The following ATM variants were observed in gnomAD, a reference collection of about 807,000 sequenced individuals.
ATM encodes the protein ATM serine/threonine kinase.
In ATM, 308 loss-of-function variants were observed where a neutral mutation model predicts 387.0. The observed-to-expected ratio is 0.80, with a 90% CI of 0.73 to 0.87. The LOEUF is 0.87. Among genes scored for constraint, ATM ranks in the 40% least tolerant of loss-of-function variants. The pLI, the probability that ATM is intolerant of heterozygous loss-of-function variation, is 0.00. For synonymous variants in ATM, 1,156 were observed against 1,187.3 expected, an observed-to-expected ratio of 0.97 and a Z score of 0.54; for missense variants, 3,312 against 3,560.9, an observed-to-expected ratio of 0.93 and a Z score of 1.78.
intron 61 of ATM, among the ~76,000 whole-genome samples, chr11:108,356,576 A>G (rs933442035): frequency 2.0e-5 from 3 of 151,580 alleles, no homozygotes; most frequent in African/African-American, 7.3e-5. Context: ...AACTTTTCAA[A>G]TTAAAGAGTC....
chr11:108,232,933 G>A (rs981399213), intron 4 of ATM, among the ~76,000 whole-genome samples: 2 of 151,898 alleles, frequency 1.3e-5, no homozygotes, highest in African/African-American at 2.4e-5. Flanking sequence ...CGCCATCTTG[G>A]CTCACTGCAA....
intron 58 of ATM, among the ~76,000 whole-genome samples, chr11:108,346,849 ATAATT>A (rs1285846666): frequency 6.6e-6 from 1 of 152,154 alleles, no homozygotes; most frequent in Non-Finnish European, 1.5e-5. Context: ...TGTGTTAAAT[ATAATT>A]CATCAAGGAG....
At chr11:108,357,862 A>C (rs2090203167) in intron 61 of ATM, among the ~76,000 whole-genome samples, 1 of 151,294 alleles carries the variant, frequency 6.6e-6, no homozygotes, top group Non-Finnish European at 1.5e-5. Context: ...GAACAGAAAA[A>C]CTGGAAACTC....
chr11:108,254,161 A>G (rs1191951099), intron 13 of ATM, 122 bp downstream of exon 13: 2 of 906,268 alleles, frequency 2.2e-6, no homozygotes, highest in Non-Finnish European at 3.4e-6. Flanking sequence ...TTAAAAGCAA[A>G]GTGGCAGTAA....
chr11:108,336,009 C>G (rs748488965), intron 56 of ATM, 48 bp downstream of exon 56: 4 of 1,454,800 alleles, frequency 2.7e-6, no homozygotes, highest in African/African-American at 1.4e-5. Context: ...ATAAAAGATG[C>G]CATTTGGTTG....
At chr11:108,287,280 T>C (rs970725965) in intron 26 of ATM, 21 of 181,028 alleles carry the variant, frequency 1.2e-4, no homozygotes, top group Non-Finnish European at 9.2e-5. Context: ...GGAAATTTGG[T>C]TGGCAGAAAA....
intron 1 of ATM, 84 bp from the exon 2 acceptor site, chr11:108,227,511 T>A (rs1341900583): frequency 1.2e-6 from 1 of 841,944 alleles, no homozygotes; most frequent in African/African-American, 1.7e-5. Flanking sequence ...AAAATAATTA[T>A]ATACACATTT....
intron 35 of ATM, among the ~76,000 whole-genome samples, chr11:108,302,229 A>G (rs2083468477): frequency 1.3e-5 from 2 of 152,128 alleles, no homozygotes; most frequent in South Asian, 4.1e-4. Context: ...TGATATCGTA[A>G]TAAGGTTCCA....
At chr11:108,289,144 T>G (rs1413939387) in intron 28 of ATM, 41 bp downstream of exon 28, 7 of 1,563,678 alleles carry the variant, frequency 4.5e-6, no homozygotes, top group Non-Finnish European at 6.1e-6. Flanking sequence ...ACATTCCTTC[T>G]TTTTTAGCTA....
rs55723361 is a variant in ATM at position 108,268,541 on chromosome 11, C to A, written c.2770C>A (p.Arg924=). 6.2e-7 allele frequency: 1 copy of A among 1,614,024 alleles called. No homozygotes were observed. Among genetic ancestry groups the A allele is most frequent in the Non-Finnish European group, 8.5e-7 (1 of 1,179,972 alleles). ...NTVSFRAADI[R]RKLLMLIDSS... ...TGTGTCCTTTAGGGCAGCTGATATT[C>A]GGAGGAAATTGTTAATGTTAATTGA... The change falls in exon 18 of 63, where the codon CGG becomes AGG. Residue 924 remains arginine, a synonymous_variant. Coordinates refer to ENST00000675843, the MANE Select transcript of ATM (RefSeq NM_000051.4).
chr11:108,288,952 G>A lies in ATM; in HGVS notation c.4110-25G>A, dbSNP rs368881313. ...AACAAAACTTTTTAAAACGATGACT[G>A]TATTTTTTCCCTTAACTCTGTTAGG... On this transcript the variant is annotated intron_variant, in intron 27 of 62. Coordinates refer to ENST00000675843, the MANE Select transcript of ATM (RefSeq NM_000051.4). 32 of 1,613,240 alleles carry A rather than the reference G, an allele frequency of 2.0e-5. No individual in the cohort carries two copies. In the African/African-American group the frequency reaches 3.7e-4, roughly 19 times the overall value.
In ATM at chr11:108,353,769, T is replaced by C. The variant is rs1591306442; in HGVS notation, c.8675T>C (p.Val2892Ala). 1 of 1,608,218 alleles carries C rather than the reference T, an allele frequency of 6.2e-7. No homozygotes were observed. The highest frequency in any genetic ancestry group is 8.5e-7 in the Non-Finnish European group (1 of 1,174,660). The change falls in exon 60 of 63, where the codon GTT (valine) becomes GCT (alanine). Residue 2892 changes from valine (V) to alanine (A), a missense_variant. Physicochemically the swap from Val to Ala is moderately conservative, Grantham distance 64 (BLOSUM62 0). Transcript: ENST00000675843. ...TTCACTGTATTCTTTACTTTAGGTG[T>C]TGCTTTTGAACAGGGCAAAATCCTT... The part of the protein sequence containing the change: ...SAELVHIDLG[V>A]AFEQGKILPT...
At chr11:108,312,746 T>A (rs185949204) in intron 40 of ATM, among the ~76,000 whole-genome samples, 67 of 152,320 alleles carry the variant, frequency 4.4e-4, no homozygotes, top group Middle Eastern at 3.4e-3. Flanking sequence ...TGTCTCAGAG[T>A]TTATGCCATG....
chr11:108,317,194 C>A (rs1197603326), intron 42 of ATM, among the ~76,000 whole-genome samples, 179 bp from the exon 43 acceptor site: 1 of 152,002 alleles, frequency 6.6e-6, no homozygotes, highest in East Asian at 1.9e-4. Context: ...CTGCCTCAGC[C>A]TCCCAAAGTG....
Position 108,326,202 on chromosome 11 carries a change from A to C in ATM, c.6952A>C (p.Lys2318Gln), listed in dbSNP as rs1449259481. Residue 2318 changes from lysine to glutamine, a missense_variant, in exon 47 of 63, where the codon AAG (lysine) becomes CAG (glutamine). Lys to Gln is a moderately conservative substitution (Grantham distance 53, BLOSUM62 1). This residue lies in a region of ATM where 1,405 missense variants were observed against 1,604.4 expected (regional missense o/e 0.88). Transcript: ENST00000675843. ...ALSILKQMIK[K>Q]LDASCAANNP... The stretch of plus-strand genomic sequence containing the variant: ...GAGTATTCTCAAGCAAATGATCAAG[A>C]AGTTGGATGCCAGCTGTGCAGCGGT... 9.3e-6 allele frequency: 15 copies of C among 1,613,966 alleles called. No homozygotes were observed. In the East Asian group the frequency reaches 3.3e-4, roughly 36 times the overall value.
At chr11:108,306,568 C>T (rs1413187104) in intron 37 of ATM, among the ~76,000 whole-genome samples, 1 of 152,156 alleles carries the variant, frequency 6.6e-6, no homozygotes, top group Non-Finnish European at 1.5e-5. Context: ...ATTTATGTCA[C>T]AACCATTGGA....
At chr11:108,265,735 C>G (rs2135487730) in intron 16 of ATM, among the ~76,000 whole-genome samples, 1 of 138,402 alleles carries the variant, frequency 7.2e-6, no homozygotes, top group South Asian at 2.6e-4. Context: ...ACCTACTCAT[C>G]TGACAAAGGG....
At chr11:108,360,377 A>G (rs1173043027) in intron 61 of ATM, among the ~76,000 whole-genome samples, 2 of 150,402 alleles carry the variant, frequency 1.3e-5, no homozygotes, top group African/African-American at 4.9e-5. Flanking sequence ...ACAAGGAGGA[A>G]CTGGTACCAT....
chr11:108,277,380 C>T lies in ATM; in HGVS notation c.3285-2111C>T, dbSNP rs376817478. Reference sequence around the variant, plus strand: ...CCCTTTCTAGGGGAGTGAATGGGTCCGTCTCGCTGGCGTTCCAGGTGCCAC... The same window carrying T: ...CCCTTTCTAGGGGAGTGAATGGGTCTGTCTCGCTGGCGTTCCAGGTGCCAC... On this transcript the variant is annotated intron_variant, in intron 22 of 62. Transcript: ENST00000675843. Among the ~76,000 whole-genome samples, 24 of 152,174 alleles carry T rather than the reference C, an allele frequency of 1.6e-4. 1 individual carries two copies. In the East Asian group the frequency reaches 4.3e-3, roughly 27 times the overall value.
Sources: allele counts gnomAD v4.1 joint callset (sites outside exome capture counted in the v4.1 genomes callset), GRCh38; gene constraint gnomAD v4.1.1; regional missense constraint gnomAD v4.1.1; transcripts MANE v1.5; gene names NCBI Gene and HGNC (gene_info 2026-07-23, HGNC 2026-07-21).